Variants in RORB observed in about 807,000 individuals in gnomAD.
RORB encodes the protein nuclear receptor ROR-beta.
RORB carries 6 observed loss-of-function variants against 59.1 expected under a neutral mutation model. That is an observed-to-expected ratio of 0.10 (90% CI 0.06 to 0.20). The LOEUF (loss-of-function observed/expected upper bound fraction) is 0.20, where lower values mean the gene tolerates loss of function less well. Ranked by LOEUF, RORB falls within the 10% of genes least tolerant of loss-of-function variation. The pLI is 1.00. For synonymous variants in RORB, 215 were observed against 204.5 expected (o/e 1.05, Z -0.44); for missense variants, 320 against 560.5 (o/e 0.57, Z 4.33).
At chr9:74,679,176 A>T (rs542339466) in intron 9 of RORB, among the ~76,000 whole-genome samples, 1 of 152,280 alleles carries the variant, frequency 6.6e-6, no homozygotes, top group Non-Finnish European at 1.5e-5. Flanking sequence ...CAGTCTGACT[A>T]ATCAGCACTT....
chr9:74,585,608 A>G (rs889232835), intron 1 of RORB, among the ~76,000 whole-genome samples: 6 of 152,134 alleles, frequency 3.9e-5, no homozygotes, highest in African/African-American at 1.4e-4. Flanking sequence ...TGTCCTGACC[A>G]TTAGATTATG....
At chr9:74,550,905 A>C (rs1275805167) in intron 1 of RORB, among the ~76,000 whole-genome samples, 1 of 152,246 alleles carries the variant, frequency 6.6e-6, no homozygotes, top group African/African-American at 2.4e-5. Flanking sequence ...GAAGACTACC[A>C]AAAACCATTA....
At chr9:74,557,045 T>G (rs1822305178) in intron 1 of RORB, among the ~76,000 whole-genome samples, 1 of 152,126 alleles carries the variant, frequency 6.6e-6, no homozygotes, top group Non-Finnish European at 1.5e-5. Context: ...CACTAGTACC[T>G]CCCCTCCCAG....
At chr9:74,574,748 T>C (rs1822606010) in intron 1 of RORB, among the ~76,000 whole-genome samples, 1 of 152,092 alleles carries the variant, frequency 6.6e-6, no homozygotes, top group Non-Finnish European at 1.5e-5. Context: ...AGTCATACGA[T>C]TGAGAATCCA....
Position 74,555,772 on chromosome 9 carries a change from A to C in RORB, c.7+57789A>C, listed in dbSNP as rs188375924. Reference sequence around the variant, plus strand: ...TGCAAATAAGAACTAATAATGTTTCATTCCACTGCTTATGTATTCTGCAAA... The same window carrying C: ...TGCAAATAAGAACTAATAATGTTTCCTTCCACTGCTTATGTATTCTGCAAA... On this transcript the variant is annotated intron_variant, in intron 1 of 9. Coordinates refer to ENST00000376896, the MANE Select transcript of RORB (RefSeq NM_006914.4). Among the ~76,000 whole-genome samples, 16 of 152,304 alleles carry C rather than the reference A, an allele frequency of 1.1e-4. No homozygotes were observed. The East Asian group carries it at 3.1e-3, about 29-fold the overall frequency.
At chr9:74,540,983 T>C (rs913882175) in intron 1 of RORB, among the ~76,000 whole-genome samples, 4 of 152,110 alleles carry the variant, frequency 2.6e-5, no homozygotes, top group African/African-American at 9.7e-5. Flanking sequence ...AAACATCTTT[T>C]AAAAATACAT....
At chr9:74,563,707 T>C (rs926599871) in intron 1 of RORB, among the ~76,000 whole-genome samples, 1 of 152,190 alleles carries the variant, frequency 6.6e-6, no homozygotes, top group Non-Finnish European at 1.5e-5. Context: ...GGTTAAGGGA[T>C]GCTGAGGCAT....
chr9:74,659,362 T>G (rs1221368372), intron 4 of RORB, among the ~76,000 whole-genome samples: 1 of 152,154 alleles, frequency 6.6e-6, no homozygotes. Flanking sequence ...GAACTTACAT[T>G]TGAAATGGCG....
Position 74,640,575 on chromosome 9 carries a change from A to G in RORB, c.236-1839A>G, listed in dbSNP as rs1823787113. 3.3e-5 allele frequency among the ~76,000 whole-genome samples: 5 copies of G among 152,008 alleles called. No individual in the cohort carries two copies. In the South Asian group the frequency reaches 8.3e-4, roughly 25 times the overall value. On this transcript the variant is annotated intron_variant, in intron 3 of 9. Coordinates refer to ENST00000376896, the MANE Select transcript of RORB (RefSeq NM_006914.4). Reference sequence around the variant, plus strand: ...TGGGATTACAGGTGCAAGCCACCGCACCCAGCCCTAGAATGTAGGTTTTTA... The same window carrying G: ...TGGGATTACAGGTGCAAGCCACCGCGCCCAGCCCTAGAATGTAGGTTTTTA...
intron 1 of RORB, among the ~76,000 whole-genome samples, chr9:74,607,990 C>T (rs947782418): frequency 1.3e-5 from 2 of 152,134 alleles, no homozygotes; most frequent in African/African-American, 4.8e-5. Flanking sequence ...ACGTGCTGAA[C>T]TCCCCATTGT....
At chr9:74,568,468 G>A (rs1822500070) in intron 1 of RORB, among the ~76,000 whole-genome samples, 1 of 151,902 alleles carries the variant, frequency 6.6e-6, no homozygotes, top group African/African-American at 2.4e-5. Flanking sequence ...TTGGGAGGCC[G>A]AGGTGGGTGG....
chr9:74,513,349 T>A (rs1255061419), intron 1 of RORB, among the ~76,000 whole-genome samples: 1 of 152,078 alleles, frequency 6.6e-6, no homozygotes, highest in Non-Finnish European at 1.5e-5. Context: ...TTTCTTTTAA[T>A]ATTTATTCTT....
At chr9:74,649,360 C>A (rs748448022) in intron 4 of RORB, among the ~76,000 whole-genome samples, 1 of 152,162 alleles carries the variant, frequency 6.6e-6, no homozygotes, top group Non-Finnish European at 1.5e-5. Context: ...TCTGTGCCAA[C>A]CACAGAATAT....
chr9:74,597,831 G>T (rs1050585738), intron 1 of RORB, among the ~76,000 whole-genome samples: 1 of 152,040 alleles, frequency 6.6e-6, no homozygotes, highest in African/African-American at 2.4e-5. Context: ...GGGGGCAGGC[G>T]CCTGTAATCC....
intron 3 of RORB, among the ~76,000 whole-genome samples, chr9:74,642,211 G>A (rs1454436981): frequency 6.6e-6 from 1 of 152,086 alleles, no homozygotes; most frequent in Non-Finnish European, 1.5e-5. Flanking sequence ...ATTTCTCACT[G>A]TGGGCATAAA....
intron 1 of RORB, among the ~76,000 whole-genome samples, chr9:74,611,131 A>C (rs1373423551): frequency 1.5e-4 from 23 of 152,110 alleles, no homozygotes; most frequent in Non-Finnish European, 1.5e-5. Flanking sequence ...TTAGTGTGAA[A>C]AGTGCATAAT....
chr9:74,591,130 T>A (rs1822884013), intron 1 of RORB, among the ~76,000 whole-genome samples: 1 of 152,184 alleles, frequency 6.6e-6, no homozygotes, highest in Non-Finnish European at 1.5e-5. Flanking sequence ...CAGAGCCAGC[T>A]GAATAGAATG....
intron 1 of RORB, among the ~76,000 whole-genome samples, chr9:74,565,069 A>G (rs1208518858): frequency 6.6e-6 from 1 of 152,222 alleles, no homozygotes; most frequent in Admixed American, 6.5e-5. Context: ...AAAGAAAACA[A>G]GCATCTCTTT....
At chr9:74,578,659 G>A (rs1822673136) in intron 1 of RORB, among the ~76,000 whole-genome samples, 1 of 136,864 alleles carries the variant, frequency 7.3e-6, no homozygotes, top group Non-Finnish European at 1.6e-5. Flanking sequence ...ATTTTGAATT[G>A]TAAAGGTTTA....
Sources: gnomAD v4.1 joint callset for allele counts (sites outside exome capture counted in the v4.1 genomes callset) on GRCh38, gnomAD v4.1.1 for gene constraint, MANE v1.5 for transcripts, NCBI Gene and HGNC (gene_info 2026-07-23, HGNC 2026-07-21) for gene names.